TGM2: variants seen among roughly 807,000 people sequenced by gnomAD.
TGM2 encodes protein-glutamine gamma-glutamyltransferase 2.
A neutral mutation model predicts 75.6 loss-of-function variants in TGM2; 53 were observed. That is an observed-to-expected ratio of 0.70 (90% confidence interval 0.56 to 0.88). The LOEUF (loss-of-function observed/expected upper bound fraction) is 0.88. Among genes scored for constraint, TGM2 ranks in the 40% least tolerant of loss-of-function variants. The pLI, the probability that TGM2 is intolerant of heterozygous loss-of-function variation, is 0.00. For synonymous variants in TGM2, 374 were observed against 381.1 expected (o/e 0.98, Z 0.22); for missense variants, 842 against 928.5 (o/e 0.91, Z 1.21).
intron 5 of TGM2, among the ~76,000 whole-genome samples, chr20:38,147,674 T>C (rs2075061755): frequency 6.6e-6 from 1 of 151,186 alleles, no homozygotes; most frequent in Non-Finnish European, 1.5e-5. Context: ...TCCATAAAGC[T>C]AGAGATCACA....
At chr20:38,151,171 A>T in intron 3 of TGM2, 114 bp from the exon 4 acceptor site, 1 of 773,860 alleles carries the variant, frequency 1.3e-6, no homozygotes, top group Non-Finnish European at 2.3e-6. Flanking sequence ...TCAGGGATCC[A>T]TCCTTCTTTT....
intron 12 of TGM2, 57 bp downstream of exon 12, chr20:38,131,036 C>T (rs2074822611): frequency 2.5e-6 from 4 of 1,605,244 alleles, no homozygotes; most frequent in Non-Finnish European, 3.4e-6. Flanking sequence ...AGTCTCTACC[C>T]CCACCGGCAT....
intron 11 of TGM2, 122 bp downstream of exon 11, chr20:38,132,218 G>A (rs920325267): frequency 1.1e-5 from 12 of 1,129,750 alleles, no homozygotes; most frequent in African/African-American, 3.1e-5. Flanking sequence ...TTTGAGGATC[G>A]CTAAGGCACC....
intron 3 of TGM2, 44 bp from the exon 4 acceptor site, chr20:38,151,101 G>A: frequency 6.8e-7 from 1 of 1,472,288 alleles, no homozygotes; most frequent in Non-Finnish European, 9.5e-7. Context: ...GTCTGCGGAG[G>A]CCCAGGGTCC....
At position 38,138,187 on chromosome 20, in the gene TGM2, A is replaced by T. The variant is rs991862219; in HGVS notation, c.1541T>A (p.Val514Asp). Residue 514 changes from valine (V) to aspartate (D), a missense_variant, in exon 10 of 13, where the codon GTC becomes GAC. Coordinates refer to ENST00000361475, the MANE Select transcript of TGM2 (RefSeq NM_004613.4). ...GGGCCCCAAGATCCCATTGTAGCTG[A>T]CGGTGCGGGCACAGAGCAGGAGGCG... Reference protein sequence around the residue: ...VCRLLLCARTVSYNGILGPEC... With the variant: ...VCRLLLCARTDSYNGILGPEC... The T allele has an allele frequency of 6.2e-7, 1 of 1,608,374 alleles. No individual in the cohort carries two copies. Among genetic ancestry groups the T allele is most frequent in the African/African-American group, 1.3e-5 (1 of 74,816 alleles).
intron 6 of TGM2, chr20:38,146,478 G>C: frequency 1.7e-6 from 1 of 592,402 alleles, no homozygotes; most frequent in Non-Finnish European, 3.0e-6. Context: ...CAGTGCCCAA[G>C]TTCTCAGCCC....
chr20:38,148,631 T>C lies in TGM2; in HGVS notation c.553-542A>G, dbSNP rs1330668398. Among the ~76,000 whole-genome samples the C allele has an allele frequency of 2.0e-5, 3 of 152,138 alleles. No homozygotes were observed. The South Asian group carries it at 6.2e-4, about 32-fold the overall frequency. Reference sequence around the variant, plus strand: ...ACCGTATCCACAGTAAAACCTAGACTTCACCGTGCAAACTTCAAGGCCCTT... The same window carrying C: ...ACCGTATCCACAGTAAAACCTAGACCTCACCGTGCAAACTTCAAGGCCCTT... On this transcript the variant is annotated intron_variant, in intron 4 of 12. Transcript: ENST00000361475.
intron 2 of TGM2, among the ~76,000 whole-genome samples, chr20:38,161,096 C>T (rs1007205031): frequency 6.6e-6 from 1 of 151,994 alleles, no homozygotes; most frequent in South Asian, 2.1e-4. Context: ...TGAGCCACCA[C>T]GCCCAGCCTG....
chr20:38,136,192 T>C (rs1450996904), intron 10 of TGM2, among the ~76,000 whole-genome samples: 2 of 152,002 alleles, frequency 1.3e-5, no homozygotes, highest in African/African-American at 4.8e-5. Context: ...GTGCCCACGG[T>C]GGGCCCAAGA....
At chr20:38,153,291 G>A (rs189941136) in intron 3 of TGM2, among the ~76,000 whole-genome samples, 6 of 152,084 alleles carry the variant, frequency 3.9e-5, no homozygotes, top group East Asian at 1.9e-4. Context: ...TTGGGAGGCC[G>A]AGGTGGGCGG....
At position 38,164,500 on chromosome 20, in the gene TGM2, C is replaced by T. The variant is rs45587333; in HGVS notation, c.10+689G>A. Among the ~76,000 whole-genome samples the T allele has an allele frequency of 9.5e-3, 1,453 of 152,254 alleles. 24 individuals are homozygous for T. The highest frequency in any genetic ancestry group is 0.033 in the African/African-American group (1,354 of 41,536). On this transcript the variant is annotated intron_variant, in intron 1 of 12. Coordinates refer to ENST00000361475, the MANE Select transcript of TGM2 (RefSeq NM_004613.4). ...CCTCTGTTCCACTCCTCTCGTTCCT[C>T]ACAGATGCACCAAAGGCTGGAGCAG...
Position 38,146,489 on chromosome 20 carries a change from T to C in TGM2, c.859+228A>G, listed in dbSNP as rs188098133. 7.7e-6 allele frequency: 5 copies of C among 653,004 alleles called. No homozygotes were observed. In the African/African-American group the frequency reaches 8.9e-5, roughly 12 times the overall value. The allele number at this position is 653,004 out of a possible 1,614,324, so 40.5% of individuals were successfully genotyped here. On this transcript the variant is annotated intron_variant, in intron 6 of 12. Coordinates refer to ENST00000361475, the MANE Select transcript of TGM2 (RefSeq NM_004613.4). ...GCTCCAGTGCCCAAGTTCTCAGCCCTGAGCCCATGCAGTCTCTCCAATGAT... is the reference window on the plus strand; with the variant it reads ...GCTCCAGTGCCCAAGTTCTCAGCCCCGAGCCCATGCAGTCTCTCCAATGAT...
chr20:38,139,551 C>G lies in TGM2; in HGVS notation c.1203G>C (p.Val401=). ...CATCGTCCTGCTGGATCCAGTCTAC[C>G]ACGTCGGCATTGACCTCCGCAAAGA... ...PFVFAEVNAD[V]VDWIQQDDGS... is the part of the protein sequence containing the mutation. Residue 401 remains valine, a synonymous_variant, in exon 9 of 13, where the codon GTG becomes GTC. Coordinates refer to ENST00000361475, the MANE Select transcript of TGM2 (RefSeq NM_004613.4). The G allele has an allele frequency of 1.2e-6, 2 of 1,614,186 alleles. No homozygotes were observed. The highest frequency in any genetic ancestry group is 1.7e-6 in the Non-Finnish European group (2 of 1,180,034).
At chr20:38,135,819 T>A (rs921340587) in intron 10 of TGM2, among the ~76,000 whole-genome samples, 15 of 151,696 alleles carry the variant, frequency 9.9e-5, no homozygotes, top group Non-Finnish European at 2.2e-4. Context: ...CAGGGAGGAG[T>A]GAGGGCCCCA....
chr20:38,142,076 C>G lies in TGM2; in HGVS notation c.983G>C (p.Ser328Thr). ...GCCCCCACCTCACCAGATCATCTCG[C>G]TCTTGTCACCCTGGATCTCCCCAAA... is the stretch of plus-strand genomic sequence containing the variant. ...NEFGEIQGDK[S>T]EMIWNFHCWV... The change falls in exon 7 of 13, where the codon AGC becomes ACC. Residue 328 changes from serine to threonine, a missense_variant. By Grantham distance (58) the Ser-to-Thr change is moderately conservative. Transcript: ENST00000361475. 1 of 1,614,190 alleles carries G rather than the reference C, an allele frequency of 6.2e-7. No homozygotes were observed.
rs577940680 is a variant in TGM2, at chr20:38,161,622, A to G, written c.11-23T>C. 393 of 1,614,068 alleles carry G rather than the reference A, an allele frequency of 2.4e-4. 8 individuals carry two copies. The South Asian group carries it at 4.2e-3, about 17-fold the overall frequency. On this transcript the variant is annotated intron_variant, in intron 1 of 12. Transcript: ENST00000361475. ...GCTCTATGGAAACAGAAGGAGACGCATGAGCCTCGGGGGCATCCTTCAGAC... is the reference window on the plus strand; with the variant it reads ...GCTCTATGGAAACAGAAGGAGACGCGTGAGCCTCGGGGGCATCCTTCAGAC...
intron 8 of TGM2, among the ~76,000 whole-genome samples, chr20:38,140,759 G>A (rs2074962137): frequency 6.6e-6 from 1 of 152,108 alleles, no homozygotes; most frequent in Admixed American, 6.5e-5. Context: ...TTTAAAACTT[G>A]TGACAACTGT....
intron 10 of TGM2, among the ~76,000 whole-genome samples, chr20:38,134,533 C>T (rs1214978548): frequency 6.6e-6 from 1 of 152,188 alleles, no homozygotes; most frequent in Non-Finnish European, 1.5e-5. Context: ...AAGCCAGTGG[C>T]CACGGCCTTG....
chr20:38,148,307 A>C (rs1005055949), intron 4 of TGM2, among the ~76,000 whole-genome samples: 2 of 152,184 alleles, frequency 1.3e-5, no homozygotes, highest in African/African-American at 4.8e-5. Flanking sequence ...TGTGTGACGA[A>C]GAGGGTAACA....
Sources: gnomAD v4.1 joint callset for allele counts (sites outside exome capture counted in the v4.1 genomes callset) on GRCh38, gnomAD v4.1.1 for gene constraint, MANE v1.5 for transcripts, NCBI Gene and HGNC (gene_info 2026-07-23, HGNC 2026-07-21) for gene names.